Variants in ZSWIM6 observed in about 807,000 individuals in gnomAD.
The protein encoded by ZSWIM6 is zinc finger SWIM-type containing 6, also known as zinc finger SWIM domain-containing protein 6.
A neutral mutation model predicts 113.2 loss-of-function variants in ZSWIM6; 9 were observed. That is an observed-to-expected ratio of 0.08 (90% CI 0.05 to 0.14). The LOEUF (loss-of-function observed/expected upper bound fraction) is 0.14. ZSWIM6 is among the 10% of genes least tolerant of loss of function. ZSWIM6 has a pLI of 1.00. For synonymous variants in ZSWIM6, 611 were observed against 606.5 expected (o/e 1.01, Z -0.11); for missense variants, 1,162 against 1,552.2 (o/e 0.75, Z 4.22).
chr5:61,484,684 C>T (rs1561257479), intron 2 of ZSWIM6, among the ~76,000 whole-genome samples: 2 of 152,144 alleles, frequency 1.3e-5, no homozygotes, highest in Non-Finnish European at 2.9e-5. Flanking sequence ...AACTTCGCAT[C>T]ATTGTGTGTC....
At position 61,472,542 on chromosome 5, in the gene ZSWIM6, G is replaced by C; in HGVS notation, c.677-139G>C. 1 of 616,652 alleles carries C rather than the reference G, an allele frequency of 1.6e-6. No homozygotes were observed. The highest frequency in any genetic ancestry group is 2.7e-6 in the Non-Finnish European group (1 of 369,454). 38.2% of individuals were successfully genotyped at this position (616,652 alleles called of 1,614,324 possible). On this transcript the variant is annotated intron_variant, in intron 1 of 13. Coordinates refer to ENST00000252744, the MANE Select transcript of ZSWIM6 (RefSeq NM_020928.2). This position sits in a 1 kb window ranked among gnomAD's most constrained non-coding sequence, Gnocchi z 4.1. ...GGGTGGTGGTAGTGGTTAGTGGCCT[G>C]AATGTTTTTACTTGAATATAGAGGC... is the stretch of plus-strand genomic sequence containing the variant.
chr5:61,351,168 G>T (rs546051651), intron 1 of ZSWIM6, among the ~76,000 whole-genome samples: 1 of 152,140 alleles, frequency 6.6e-6, no homozygotes, highest in African/African-American at 2.4e-5. Context: ...TCATCGAGGT[G>T]TATCATGCCT....
chr5:61,533,118 A>AT (rs1307527940), intron 9 of ZSWIM6, among the ~76,000 whole-genome samples: 1 of 152,180 alleles, frequency 6.6e-6, no homozygotes, highest in Non-Finnish European at 1.5e-5. Context: ...CCCGTCAAAC[A>AT]TTTTTATGAG....
chr5:61,413,515 T>C (rs1579983551), intron 1 of ZSWIM6, among the ~76,000 whole-genome samples: 1 of 152,272 alleles, frequency 6.6e-6, no homozygotes, highest in South Asian at 2.1e-4. Flanking sequence ...CAGCATGATT[T>C]ATAGTCCTTT....
intron 2 of ZSWIM6, among the ~76,000 whole-genome samples, chr5:61,478,963 G>C (rs1747782725): frequency 6.6e-6 from 1 of 152,116 alleles, no homozygotes; most frequent in African/African-American, 2.4e-5. Context: ...TTGATGTCAG[G>C]AGTTCAAGAC....
intron 1 of ZSWIM6, among the ~76,000 whole-genome samples, chr5:61,378,600 G>C (rs560674383): frequency 1.0e-3 from 156 of 151,886 alleles, no homozygotes; most frequent in African/African-American, 3.7e-3. Flanking sequence ...TTGTTGCCCA[G>C]CCTGGAGTGC....
chr5:61,469,929 G>A (rs759805585), intron 1 of ZSWIM6, among the ~76,000 whole-genome samples: 14 of 152,126 alleles, frequency 9.2e-5, no homozygotes, highest in Non-Finnish European at 1.8e-4. Flanking sequence ...GGATGGTCTC[G>A]ATCTCCTGAC....
At chr5:61,342,104 T>C (rs1456927489) in intron 1 of ZSWIM6, among the ~76,000 whole-genome samples, 1 of 152,100 alleles carries the variant, frequency 6.6e-6, no homozygotes, top group Non-Finnish European at 1.5e-5. Flanking sequence ...AGTCTTGCAC[T>C]CCTGACCTCA....
At chr5:61,521,157 A>G in intron 4 of ZSWIM6, 106 bp from the exon 5 acceptor site, 2 of 610,370 alleles carry the variant, frequency 3.3e-6, no homozygotes, top group Non-Finnish European at 4.5e-6. Flanking sequence ...TTTTAAATAT[A>G]TAAATTACAT....
intron 1 of ZSWIM6, among the ~76,000 whole-genome samples, chr5:61,446,112 C>T (rs995440903): frequency 6.6e-6 from 1 of 152,140 alleles, no homozygotes; most frequent in Non-Finnish European, 1.5e-5. Flanking sequence ...CTGCAACCTC[C>T]ACCTCCCGGG....
chr5:61,339,858 A>G (rs923343655), intron 1 of ZSWIM6, among the ~76,000 whole-genome samples: 19 of 152,242 alleles, frequency 1.2e-4, no homozygotes, highest in African/African-American at 2.4e-5. Context: ...TAACATGTAA[A>G]TATTTGGGGA....
chr5:61,347,948 A>G (rs2112035326), intron 1 of ZSWIM6, among the ~76,000 whole-genome samples: 1 of 152,340 alleles, frequency 6.6e-6, no homozygotes, highest in African/African-American at 2.4e-5. Flanking sequence ...TGGGCCGGGC[A>G]TGGTGGCTCA....
In ZSWIM6 at chr5:61,437,406, A is replaced by G. The variant is rs77506961; in HGVS notation, c.677-35275A>G. On this transcript the variant is annotated intron_variant, in intron 1 of 13. Transcript: ENST00000252744. ...ATCTACATCACATCAGCAAGCCAAT[A>G]GTTGGCATTAGACTATGTAAAAAAA... Among the ~76,000 whole-genome samples, 586 of 152,266 alleles carry G rather than the reference A, an allele frequency of 3.8e-3. 3 individuals are homozygous for G. Among genetic ancestry groups the G allele is most frequent in the Non-Finnish European group, 6.1e-3 (415 of 68,028 alleles).
intron 1 of ZSWIM6, among the ~76,000 whole-genome samples, chr5:61,365,028 C>T (rs1370781960): frequency 6.6e-6 from 1 of 152,110 alleles, no homozygotes; most frequent in Non-Finnish European, 1.5e-5. Context: ...TGACCCCTGC[C>T]CTATTATGGT....
At chr5:61,453,624 C>A (rs1747136106) in intron 1 of ZSWIM6, among the ~76,000 whole-genome samples, 1 of 152,046 alleles carries the variant, frequency 6.6e-6, no homozygotes, top group African/African-American at 2.4e-5. Context: ...AGTCCACTTG[C>A]CTTGACCTCC....
At chr5:61,515,091 G>A (rs900177420) in intron 4 of ZSWIM6, among the ~76,000 whole-genome samples, 5 of 152,086 alleles carry the variant, frequency 3.3e-5, no homozygotes, top group Non-Finnish European at 7.4e-5. Flanking sequence ...GGTAGTTTGT[G>A]ACTTTCAAGG....
intron 1 of ZSWIM6, among the ~76,000 whole-genome samples, chr5:61,410,394 C>CTT (rs1746130380): frequency 1.3e-5 from 2 of 149,718 alleles, no homozygotes; most frequent in African/African-American, 4.9e-5. Context: ...ACTGCAACCT[C>CTT]TGACTCCCTG....
chr5:61,342,381 C>T (rs953355523), intron 1 of ZSWIM6, among the ~76,000 whole-genome samples: 7 of 152,078 alleles, frequency 4.6e-5, no homozygotes, highest in Non-Finnish European at 7.4e-5. Context: ...GAGTATATTC[C>T]ACTTCCCTCA....
intron 1 of ZSWIM6, among the ~76,000 whole-genome samples, chr5:61,465,369 G>A (rs1168455815): frequency 1.3e-5 from 2 of 151,506 alleles, no homozygotes; most frequent in Non-Finnish European, 2.9e-5. Context: ...TGTTGTTGGT[G>A]GTAGGGAACC....
Sources: gnomAD v4.1 joint callset for allele counts (sites outside exome capture counted in the v4.1 genomes callset) on GRCh38, gnomAD v4.1.1 for gene constraint, Gnocchi (gnomAD v3.1) non-coding constraint, MANE v1.5 for transcripts, NCBI Gene and HGNC (gene_info 2026-07-23, HGNC 2026-07-21) for gene names.